CCDC14: variants seen among roughly 807,000 people sequenced by gnomAD.
The protein encoded by CCDC14 is coiled-coil domain containing 14.
In CCDC14, 71 loss-of-function variants were observed where a neutral mutation model predicts 81.4. The observed-to-expected ratio is 0.87, with a 90% confidence interval of 0.72 to 1.06. The LOEUF (loss-of-function observed/expected upper bound fraction) is 1.06, where lower values mean the gene tolerates loss of function less well. Ranked by LOEUF, CCDC14 falls within the 50% of genes least tolerant of loss-of-function variation. The pLI is 0.00. For synonymous variants in CCDC14, 332 were observed against 364.8 expected (o/e 0.91, Z 1.03); for missense variants, 1,046 against 1,047.3 (o/e 1.00, Z 0.02).
At chr3:123,948,547 A>T in intron 7 of CCDC14, 144 bp downstream of exon 7, 2 of 736,474 alleles carry the variant, frequency 2.7e-6, no homozygotes, top group Non-Finnish European at 4.4e-6. Flanking sequence ...GGCCATAAAC[A>T]TGTAAAACTT....
At chr3:123,935,630 T>C (rs1475502405) in intron 9 of CCDC14, among the ~76,000 whole-genome samples, 2 of 152,216 alleles carry the variant, frequency 1.3e-5, no homozygotes. Context: ...AGACACATTA[T>C]GAAGTGAAAG....
chr3:123,941,451 A>T (rs2036348898), intron 9 of CCDC14, among the ~76,000 whole-genome samples: 2 of 152,060 alleles, frequency 1.3e-5, no homozygotes. Context: ...TACTTCTTTA[A>T]AAATTGAAAA....
intron 10 of CCDC14, among the ~76,000 whole-genome samples, chr3:123,932,862 G>A (rs1447319982): frequency 6.6e-6 from 1 of 152,124 alleles, no homozygotes; most frequent in Admixed American, 6.5e-5. Flanking sequence ...ACCTTGGGAG[G>A]CCGAGGTGAG....
At chr3:123,912,070 T>C (rs1018903720), downstream of CCDC14, among the ~76,000 whole-genome samples, 1 of 152,174 alleles carries the variant, frequency 6.6e-6, no homozygotes, top group Non-Finnish European at 1.5e-5. Context: ...TCAATGGTGT[T>C]CACAACTACT....
At chr3:123,958,119 C>G (rs868499128) in intron 1 of CCDC14, 1 of 152,036 alleles carries the variant, frequency 6.6e-6, no homozygotes, top group Non-Finnish European at 1.5e-5. Context: ...TGAGAACCAA[C>G]AATGTAGGAA....
Position 123,947,163 on chromosome 3 carries a change from G to A in CCDC14, c.841C>T (p.Leu281=), listed in dbSNP as rs1244034481. The change falls in exon 8 of 13, where the codon CTG becomes TTG. Residue 281 remains leucine (L), a synonymous_variant. Coordinates refer to ENST00000409697, the MANE Select transcript of CCDC14 (RefSeq NM_001366335.1). Reference sequence around the variant, plus strand: ...GGCAGAATTCCATTAACAAGGCCCAGTTGCTGCAATGTTGGAATAGCTGAT... The same window carrying A: ...GGCAGAATTCCATTAACAAGGCCCAATTGCTGCAATGTTGGAATAGCTGAT... ...DISAIPTLQQ[L]GLVNGILPQQ... 6.2e-7 allele frequency: 1 copy of A among 1,613,930 alleles called. No individual in the cohort carries two copies. Among genetic ancestry groups the A allele is most frequent in the Non-Finnish European group, 8.5e-7 (1 of 1,179,868 alleles).
rs965154877 is a variant in CCDC14 at position 123,955,954 on chromosome 3, C to T, written c.241G>A (p.Ala81Thr). Residue 81 changes from alanine to threonine, a missense_variant, in exon 5 of 13, where the codon GCA becomes ACA. Coordinates refer to ENST00000409697, the MANE Select transcript of CCDC14 (RefSeq NM_001366335.1). ...LRNEDSGSET[A>T]YLENRSNSRP... ...GAATTAGATCTGTTTTCTAAATATG[C>T]TGTTTCTGAACCTATTAATAAAACA... The T allele has an allele frequency of 1.3e-6, 2 of 1,527,990 alleles. No homozygotes were observed. Among genetic ancestry groups the T allele is most frequent in the East Asian group, 4.9e-5 (2 of 40,630 alleles). The allele number at this position is 1,527,990 out of a possible 1,614,324, so 94.7% of individuals were successfully genotyped here. A position where few individuals can be genotyped will look rare whatever the true frequency, so the allele number is the denominator to read the frequency against.
intron 9 of CCDC14, among the ~76,000 whole-genome samples, chr3:123,943,267 C>T (rs77791854): frequency 0.027 from 4,158 of 151,944 alleles, 79 homozygotes; most frequent in Non-Finnish European, 0.042. Context: ...GGCCTTTTGT[C>T]CCTGGTTCCT....
chr3:123,952,212 A>T (rs1294166806), intron 5 of CCDC14, among the ~76,000 whole-genome samples: 4 of 152,224 alleles, frequency 2.6e-5, no homozygotes, highest in Non-Finnish European at 5.9e-5. Flanking sequence ...TCAGTCCCTG[A>T]AGTCTAGCTG....
rs901233901 is a variant in CCDC14 at position 123,913,893 on chromosome 3, A to G, written c.*886T>C. 5 of 985,332 alleles carry G rather than the reference A, an allele frequency of 5.1e-6. No individual in the cohort carries two copies. The African/African-American group carries it at 7.0e-5, about 14-fold the overall frequency. The allele number at this position is 985,332 out of a possible 1,614,324, so 61.0% of individuals were successfully genotyped here. On this transcript the variant is annotated 3_prime_UTR_variant, in exon 13 of 13. Transcript: ENST00000409697. The stretch of plus-strand genomic sequence containing the variant: ...ATACTGAGCTAAGAAGTCCTGGTAT[A>G]GAGAAGCAGAGAGACCAACCTACTT...
At chr3:123,934,087 A>G (rs1374548911) in intron 9 of CCDC14, among the ~76,000 whole-genome samples, 2 of 152,106 alleles carry the variant, frequency 1.3e-5, no homozygotes, top group African/African-American at 4.8e-5. Context: ...AGCCTGGCCA[A>G]CATGGCGAAA....
chr3:123,939,503 G>C (rs947998027), intron 9 of CCDC14, among the ~76,000 whole-genome samples: 1 of 145,190 alleles, frequency 6.9e-6, no homozygotes, highest in Non-Finnish European at 1.5e-5. Flanking sequence ...CTAGAATAAA[G>C]TGGTACAACC....
At chr3:123,919,090 C>T (rs1409221083) in intron 12 of CCDC14, among the ~76,000 whole-genome samples, 5 of 152,196 alleles carry the variant, frequency 3.3e-5, no homozygotes, top group Non-Finnish European at 7.3e-5. Context: ...CCTCAGTACT[C>T]TGCTTATGGC....
intron 12 of CCDC14, among the ~76,000 whole-genome samples, chr3:123,916,468 T>TTG (rs71142765): frequency 0.094 from 13,743 of 145,768 alleles, 614 homozygotes; most frequent in Non-Finnish European, 0.1. Context: ...ATATATGTGT[T>TTG]TGTGTGTGTG....
At chr3:123,930,765 A>G (rs1199215274) in intron 12 of CCDC14, 1 of 190,376 alleles carries the variant, frequency 5.3e-6, no homozygotes, top group African/African-American at 2.3e-5. Context: ...GGCTTGCTCA[A>G]AGTTACTCAG....
rs1186984974 is a variant in CCDC14 at position 123,913,824 on chromosome 3, A to G, written c.*955T>C. 2 of 985,276 alleles carry G rather than the reference A, an allele frequency of 2.0e-6. No homozygotes were observed. The highest frequency in any genetic ancestry group is 3.5e-5 in the African/African-American group (2 of 57,238). The allele number at this position is 985,276 out of a possible 1,614,324, so 61.0% of individuals were successfully genotyped here. On this transcript the variant is annotated 3_prime_UTR_variant, in exon 13 of 13. Coordinates refer to ENST00000409697, the MANE Select transcript of CCDC14 (RefSeq NM_001366335.1). ...AAGTATTAGTGATAACACAACATTC[A>G]GCTTCCTAAGAGTTAAAACGTGCTG...
In CCDC14 at chr3:123,948,972, T is replaced by C. The variant is rs575654632; in HGVS notation, c.513A>G (p.Ser171=). 9.4e-5 allele frequency: 152 copies of C among 1,614,012 alleles called. 1 individual carries two copies. In the South Asian group the frequency reaches 1.5e-3, roughly 16 times the overall value. Residue 171 remains serine (S), a synonymous_variant, in exon 6 of 13, where the codon TCA becomes TCG. Transcript: ENST00000409697. ...TCTTTGAAGTCAAGTCATTCATCAG[T>C]GACATCTGAGTCTGCACGTGCTCAC... The part of the protein sequence containing the change: ...ALCEHVQTQM[S]LMNDLTSKNI...
chr3:123,906,279 G>A (rs1024741621), intron 5 of CCDC14, among the ~76,000 whole-genome samples: 144 of 152,012 alleles, frequency 9.5e-4, no homozygotes, highest in African/African-American at 3.0e-3. Context: ...GCAGTGAGCC[G>A]AGATCGCGCC....
At position 123,956,446 on chromosome 3, in the gene CCDC14, A is replaced by T; in HGVS notation, c.87-19T>A. 2.0e-6 allele frequency: 3 copies of T among 1,498,210 alleles called. No individual in the cohort carries two copies. The highest frequency in any genetic ancestry group is 1.3e-5 in the South Asian group (1 of 79,432). 92.8% of individuals were successfully genotyped at this position (1,498,210 alleles called of 1,614,324 possible). A position where few individuals can be genotyped will look rare whatever the true frequency, so the allele number is the denominator to read the frequency against. ...ATAGGTCCTGGAAAACAAGCTTATTAATATTCTTACAAATATTTTTCCCAA... is the reference window on the plus strand; with the variant it reads ...ATAGGTCCTGGAAAACAAGCTTATTTATATTCTTACAAATATTTTTCCCAA... On this transcript the variant is annotated intron_variant, in intron 2 of 12. Coordinates refer to ENST00000409697, the MANE Select transcript of CCDC14 (RefSeq NM_001366335.1).
Sources: gnomAD v4.1 joint callset for allele counts (sites outside exome capture counted in the v4.1 genomes callset) on GRCh38, gnomAD v4.1.1 for gene constraint, MANE v1.5 for transcripts, NCBI Gene and HGNC (gene_info 2026-07-23, HGNC 2026-07-21) for gene names.